Variants in STPG2 observed in about 807,000 individuals in gnomAD.
STPG2 encodes sperm tail PG-rich repeat containing 2.
In STPG2, 56 loss-of-function variants were observed where a neutral mutation model predicts 54.2. The observed-to-expected ratio is 1.03, with a 90% confidence interval of 0.83 to 1.29. The LOEUF (loss-of-function observed/expected upper bound fraction) is 1.29, where lower values mean the gene tolerates loss of function less well. Among genes scored for constraint, STPG2 ranks in the 50% most tolerant of loss-of-function variants. The pLI is 0.00. For synonymous variants in STPG2, 200 were observed against 181.8 expected, an observed-to-expected ratio of 1.10 and a Z score of -0.81; for missense variants, 596 against 544.9, an observed-to-expected ratio of 1.09 and a Z score of -0.93.
intron 5 of STPG2, among the ~76,000 whole-genome samples, chr4:98,059,428 A>T (rs1737576604): frequency 6.6e-6 from 1 of 152,082 alleles, no homozygotes; most frequent in African/African-American, 2.4e-5. Context: ...TACCAATAAA[A>T]AAAAGCTTAG....
At chr4:97,786,098 C>T (rs1046795404) in intron 9 of STPG2, among the ~76,000 whole-genome samples, 5 of 151,774 alleles carry the variant, frequency 3.3e-5, no homozygotes, top group African/African-American at 1.2e-4. Context: ...TTATATATAA[C>T]AATCAAGATA....
chr4:97,608,216 A>G (rs748550559), intron 10 of STPG2, among the ~76,000 whole-genome samples: 1 of 152,046 alleles, frequency 6.6e-6, no homozygotes, highest in Non-Finnish European at 1.5e-5. Context: ...GGCTTGTTTC[A>G]GGACAAACTG....
chr4:97,604,139 G>C (rs1733533828), intron 10 of STPG2, among the ~76,000 whole-genome samples: 1 of 151,558 alleles, frequency 6.6e-6, no homozygotes, highest in Non-Finnish European at 1.5e-5. Flanking sequence ...TTTGGACTCA[G>C]TTTTACTCTA....
chr4:97,798,335 C>T (rs1387993770), intron 9 of STPG2, among the ~76,000 whole-genome samples: 2 of 152,038 alleles, frequency 1.3e-5, no homozygotes, highest in Admixed American at 1.3e-4. Context: ...TATAAATTTC[C>T]CTCTACCCAC....
chr4:98,018,316 T>C (rs1031565472), intron 5 of STPG2, among the ~76,000 whole-genome samples: 1 of 152,108 alleles, frequency 6.6e-6, no homozygotes, highest in Non-Finnish European at 1.5e-5. Context: ...TGATTTCCAG[T>C]TTCATCCATG....
rs373032181 is a variant in STPG2 at position 98,007,281 on chromosome 4, C to T, written c.613-25963G>A. ...TCTGCCACTCCAGCTTCTCAGGAAG[C>T]TGTGAGCCTGCTCACCCGCCTGGTA... On this transcript the variant is annotated intron_variant, in intron 5 of 10. Transcript: ENST00000295268. 1.1e-4 allele frequency among the ~76,000 whole-genome samples: 16 copies of T among 152,318 alleles called. 1 individual carries two copies. Among genetic ancestry groups the T allele is most frequent in the African/African-American group, 3.8e-4 (16 of 41,568 alleles).
chr4:97,886,867 C>T (rs1300216061), intron 8 of STPG2, among the ~76,000 whole-genome samples: 1 of 152,144 alleles, frequency 6.6e-6, no homozygotes, highest in African/African-American at 2.4e-5. Flanking sequence ...CCCCTCAGTG[C>T]TGTTCTGGTG....
intron 9 of STPG2, among the ~76,000 whole-genome samples, chr4:97,811,989 A>G (rs1727754333): frequency 1.3e-5 from 2 of 152,114 alleles, no homozygotes; most frequent in South Asian, 4.1e-4. Flanking sequence ...TCATTAATAT[A>G]TTTTTAGAAA....
intron 8 of STPG2, among the ~76,000 whole-genome samples, chr4:97,846,025 T>A (rs1728939302): frequency 6.6e-6 from 1 of 152,132 alleles, no homozygotes; most frequent in South Asian, 2.1e-4. Context: ...AACCTGAACC[T>A]CAGCCTGAAC....
chr4:98,072,778 A>G (rs570299635), intron 5 of STPG2, among the ~76,000 whole-genome samples: 4 of 152,220 alleles, frequency 2.6e-5, no homozygotes, highest in African/African-American at 9.6e-5. Flanking sequence ...GTCTAAATCC[A>G]TTTGGGCTTA....
intron 4 of STPG2, among the ~76,000 whole-genome samples, chr4:97,506,646 C>T (rs1730851330): frequency 6.6e-6 from 1 of 151,754 alleles, no homozygotes; most frequent in South Asian, 2.1e-4. Flanking sequence ...TAATACCAAT[C>T]ATAAAAGGAA....
intron 5 of STPG2, among the ~76,000 whole-genome samples, chr4:98,087,122 T>C (rs17550610): frequency 0.4 from 60,131 of 151,928 alleles, 12,144 homozygotes; most frequent in Middle Eastern, 0.46. Flanking sequence ...GGAATCAACC[T>C]AGAATCTTGC....
intron 5 of STPG2, among the ~76,000 whole-genome samples, chr4:98,100,199 C>A (rs1440749698): frequency 6.6e-6 from 1 of 152,126 alleles, no homozygotes; most frequent in East Asian, 1.9e-4. Context: ...AATAAAACTG[C>A]CCATTTTTCA....
Position 97,695,753 on chromosome 4 carries a change from G to GA in STPG2, c.1320+16945dup, listed in dbSNP as rs764861444. 6.7e-3 allele frequency among the ~76,000 whole-genome samples: 881 copies of GA among 131,166 alleles called. 28 individuals carry two copies. The highest frequency in any genetic ancestry group is 0.011 in the Middle Eastern group (3 of 266). 86.0% of individuals were successfully genotyped at this position (131,166 alleles called of 152,430 possible). ...AACACAACCCCTTTTAAAACAGATG[G>GA]AAAAAAAAAAAAAGAAACTACTTAG... On this transcript the variant is annotated intron_variant, in intron 10 of 10. Transcript: ENST00000295268.
chr4:97,802,224 A>G (rs193219296), intron 9 of STPG2, among the ~76,000 whole-genome samples: 37 of 152,270 alleles, frequency 2.4e-4, no homozygotes, highest in African/African-American at 8.4e-4. Context: ...TTTAGGAGAC[A>G]TTTTGAATGA....
intron 8 of STPG2, among the ~76,000 whole-genome samples, chr4:97,906,883 A>AT (rs1253197178): frequency 6.6e-6 from 1 of 152,150 alleles, no homozygotes; most frequent in African/African-American, 2.4e-5. Flanking sequence ...AATAAGAGCT[A>AT]TCTATGACAA....
At chr4:97,637,754 G>A (rs1721609216) in intron 10 of STPG2, among the ~76,000 whole-genome samples, 1 of 152,034 alleles carries the variant, frequency 6.6e-6, no homozygotes. Flanking sequence ...TTGCTTCAAA[G>A]AGAATAAAAT....
chr4:97,831,267 T>A (rs1230939410), intron 9 of STPG2, among the ~76,000 whole-genome samples: 3 of 152,164 alleles, frequency 2.0e-5, no homozygotes, highest in Non-Finnish European at 4.4e-5. Flanking sequence ...TGCTCCTGAA[T>A]GAATACTGGG....
chr4:97,939,282 T>A (rs1732885682), intron 8 of STPG2, among the ~76,000 whole-genome samples: 1 of 150,924 alleles, frequency 6.6e-6, no homozygotes, highest in South Asian at 2.1e-4. Flanking sequence ...GGAGTATATA[T>A]TCTCTTGTTT....
Sources: gnomAD v4.1 joint callset for allele counts (sites outside exome capture counted in the v4.1 genomes callset) on GRCh38, gnomAD v4.1.1 for gene constraint, MANE v1.5 for transcripts, NCBI Gene and HGNC (gene_info 2026-07-23, HGNC 2026-07-21) for gene names.